The following ZNF106 variants were observed in gnomAD, a reference collection of about 807,000 sequenced individuals.
ZNF106 encodes zinc finger protein 106.
ZNF106 carries 67 observed loss-of-function variants against 195.1 expected under a neutral mutation model. The ratio of observed to expected loss-of-function variants is 0.34; its 90% CI spans 0.28 to 0.42. ZNF106 has a LOEUF of 0.42. Among genes scored for constraint, ZNF106 ranks in the 10% least tolerant of loss-of-function variants. The pLI is 1.00. For missense variants in ZNF106, 2,118 were observed against 2,304.5 expected, an observed-to-expected ratio of 0.92 and a Z score of 1.66; for synonymous variants, 784 against 818.6, an observed-to-expected ratio of 0.96 and a Z score of 0.72.
chr15:42,451,621 C>A lies in ZNF106; in HGVS notation c.651G>T (p.Trp217Cys). 6.2e-7 allele frequency: 1 copy of A among 1,614,168 alleles called. No homozygotes were observed. The highest frequency in any genetic ancestry group is 8.5e-7 in the Non-Finnish European group (1 of 1,180,030). Residue 217 changes from tryptophan to cysteine, a missense_variant, in exon 5 of 22, where the codon TGG becomes TGT. Coordinates refer to ENST00000564754, the MANE Select transcript of ZNF106 (RefSeq NM_001366845.3). The part of the protein sequence containing the change: ...GWLSNSGAVD[W>C]NHNGTGRNSS... ...AATTCCTTCCTGTACCATTATGATT[C>A]CAATCTACTGCTCCACTATTTGAAA...
rs118150785 is a variant in ZNF106, at chr15:42,476,579, G to A, written c.-32-4258C>T. The stretch of plus-strand genomic sequence containing the variant: ...GCCTCCCAAAGTGCTGGGATTACAG[G>A]TGTGAGCCACCATGCCCAGCTTCAT... On this transcript the variant is annotated intron_variant, in intron 1 of 21. Transcript: ENST00000564754. 6.9e-3 allele frequency among the ~76,000 whole-genome samples: 1,045 copies of A among 152,308 alleles called. 13 individuals carry two copies. The highest frequency in any genetic ancestry group is 0.013 in the Non-Finnish European group (879 of 68,030).
At chr15:42,462,489 T>C (rs1293898497) in intron 3 of ZNF106, among the ~76,000 whole-genome samples, 2 of 152,022 alleles carry the variant, frequency 1.3e-5, no homozygotes, top group Non-Finnish European at 2.9e-5. Context: ...TCCCAGCTAC[T>C]TGGGAGGCTC....
chr15:42,423,727 C>G (rs1317597838), intron 17 of ZNF106, among the ~76,000 whole-genome samples: 1 of 152,158 alleles, frequency 6.6e-6, no homozygotes, highest in South Asian at 2.1e-4. Context: ...TATCCACTTT[C>G]TGGAAGCCTC....
At position 42,438,675 on chromosome 15, in the gene ZNF106, A is replaced by G; in HGVS notation, c.4545-8T>C. Reference sequence around the variant, plus strand: ...GTCTGAGTTTCTGCCACACTACAAAATAATAGCAAAAGTGTTCTCAGCATC... The same window carrying G: ...GTCTGAGTTTCTGCCACACTACAAAGTAATAGCAAAAGTGTTCTCAGCATC... On this transcript the variant is annotated splice_polypyrimidine_tract_variant and splice_region_variant and intron_variant, in intron 11 of 21. Transcript: ENST00000564754. 6.2e-7 allele frequency: 1 copy of G among 1,613,274 alleles called. No individual in the cohort carries two copies. Among genetic ancestry groups the G allele is most frequent in the Non-Finnish European group, 8.5e-7 (1 of 1,179,446 alleles).
Position 42,450,116 on chromosome 15 carries a change from C to G in ZNF106, c.2156G>C (p.Ser719Thr). Residue 719 changes from serine (S) to threonine (T), a missense_variant, in exon 5 of 22, where the codon AGT becomes ACT. Coordinates refer to ENST00000564754, the MANE Select transcript of ZNF106 (RefSeq NM_001366845.3). ...HVSYETEGFESASLDAELQKS... is the reference protein window; with the variant it reads ...HVSYETEGFETASLDAELQKS... ...TTGAAGCTCTGCATCCAAGCTAGCA[C>G]TCTCAAAGCCTTCTGTTTCATAAGA... 4 of 1,614,198 alleles carry G rather than the reference C, an allele frequency of 2.5e-6. No homozygotes were observed. The highest frequency in any genetic ancestry group is 2.5e-6 in the Non-Finnish European group (3 of 1,180,042).
In ZNF106 at chr15:42,413,048, T is replaced by A. The variant is rs549900204; in HGVS notation, c.*4256A>T. On this transcript the variant is annotated 3_prime_UTR_variant, in exon 22 of 22. Coordinates refer to ENST00000564754, the MANE Select transcript of ZNF106 (RefSeq NM_001366845.3). ...CTCTAGGGCATATATTTCTCTTAAA[T>A]AGGAGAAAGATTTTCAACAGCTTTT... is the stretch of plus-strand genomic sequence containing the variant. 15 of 152,314 alleles carry A rather than the reference T, an allele frequency of 9.8e-5. No homozygotes were observed. The highest frequency in any genetic ancestry group is 3.4e-3 in the Middle Eastern group (1 of 294). The allele number at this position is 152,314 out of a possible 1,614,324, so 9.4% of individuals were successfully genotyped here. A position where few individuals can be genotyped will look rare whatever the true frequency, so the allele number is the denominator to read the frequency against.
Position 42,446,603 on chromosome 15 carries a change from A to G in ZNF106, c.3191T>C (p.Ile1064Thr), listed in dbSNP as rs1201937451. ...CTGCACCATACCTTTTTTTCCTTTA[A>G]TTTTCCTTCTTTTATTTTTTCTCTC... is the stretch of plus-strand genomic sequence containing the variant. ...SLERKNKRRK[I>T]KGKKERSQVD... Residue 1064 changes from isoleucine to threonine, a missense_variant, in exon 7 of 22, where the codon ATT becomes ACT. Coordinates refer to ENST00000564754, the MANE Select transcript of ZNF106 (RefSeq NM_001366845.3). 9.4e-6 allele frequency: 15 copies of G among 1,598,344 alleles called. No individual in the cohort carries two copies. The highest frequency in any genetic ancestry group is 1.3e-5 in the Non-Finnish European group (15 of 1,170,376).
chr15:42,490,280 A>T (rs2057119947), intron 1 of ZNF106: 1 of 152,040 alleles, frequency 6.6e-6, no homozygotes, highest in African/African-American at 2.4e-5. Context: ...GATATAAACC[A>T]TTATGGTGGA....
intron 3 of ZNF106, among the ~76,000 whole-genome samples, chr15:42,458,673 A>C (rs891470560): frequency 6.6e-6 from 1 of 150,912 alleles, no homozygotes; most frequent in Admixed American, 6.6e-5. Flanking sequence ...ACACCACTGC[A>C]CTCCAGCCTG....
chr15:42,453,635 G>T lies in ZNF106; in HGVS notation c.318-1681C>A, dbSNP rs569970355. Among the ~76,000 whole-genome samples, 14 of 147,556 alleles carry T rather than the reference G, an allele frequency of 9.5e-5. 1 individual carries two copies. In the East Asian group the frequency reaches 2.8e-3, roughly 29 times the overall value. On this transcript the variant is annotated intron_variant, in intron 4 of 21. Transcript: ENST00000564754. ...TTTGGAGATGGAGTCTCGCTTTGTC[G>T]CCCAGGCTGGAGTGCAATGGCACGA...
chr15:42,466,133 T>A lies in ZNF106; in HGVS notation c.55-19A>T, dbSNP rs1429656219. 11 of 1,523,142 alleles carry A rather than the reference T, an allele frequency of 7.2e-6. No homozygotes were observed. The highest frequency in any genetic ancestry group is 9.6e-6 in the Non-Finnish European group (11 of 1,141,320). 94.4% of individuals were successfully genotyped at this position (1,523,142 alleles called of 1,614,324 possible). On this transcript the variant is annotated intron_variant, in intron 2 of 21. Coordinates refer to ENST00000564754, the MANE Select transcript of ZNF106 (RefSeq NM_001366845.3). ...CCATCTCCTTCAAAATAAAAGAAAGTAGATTAAAACTAAGCAGGATTGCTT... is the reference window on the plus strand; with the variant it reads ...CCATCTCCTTCAAAATAAAAGAAAGAAGATTAAAACTAAGCAGGATTGCTT...
intron 1 of ZNF106, among the ~76,000 whole-genome samples, chr15:42,484,969 G>A (rs1204941539): frequency 1.3e-5 from 2 of 152,096 alleles, no homozygotes; most frequent in African/African-American, 4.8e-5. Flanking sequence ...GACCAGTCTG[G>A]CCAACATGGC....
At chr15:42,421,222 G>GAAA in intron 19 of ZNF106, 90 bp from the exon 20 acceptor site, 1 of 1,211,476 alleles carries the variant, frequency 8.3e-7, no homozygotes, top group Middle Eastern at 2.1e-4. Context: ...CCTTGCAGCA[G>GAAA]CTACAAGAAA....
intron 10 of ZNF106, 140 bp from the exon 11 acceptor site, chr15:42,439,953 C>T: frequency 2.4e-6 from 2 of 836,350 alleles, no homozygotes; most frequent in Non-Finnish European, 1.8e-6. Context: ...CCTCAGTTTC[C>T]CATCACCTAC....
intron 3 of ZNF106, among the ~76,000 whole-genome samples, chr15:42,458,113 C>CTA (rs2056290394): frequency 6.6e-6 from 1 of 152,044 alleles, no homozygotes; most frequent in Admixed American, 6.6e-5. Context: ...CAGCAGTATC[C>CTA]ATTCAACAAT....
intron 1 of ZNF106, among the ~76,000 whole-genome samples, chr15:42,479,537 G>A (rs938909617): frequency 6.6e-6 from 1 of 151,696 alleles, no homozygotes. Flanking sequence ...TTATATTGAT[G>A]TTTTTTTTAA....
At position 42,419,475 on chromosome 15, in the gene ZNF106, G is replaced by A. The variant is rs565376291; in HGVS notation, c.5518-1524C>T. Among the ~76,000 whole-genome samples, 6 of 152,138 alleles carry A rather than the reference G, an allele frequency of 3.9e-5. No individual in the cohort carries two copies. In the South Asian group the frequency reaches 1.2e-3, roughly 32 times the overall value. ...GGTGATTGCTGGAGCCTGGGAGGCTGAAGCTGCAGTGACTGTTGTGACCAC... is the reference window on the plus strand; with the variant it reads ...GGTGATTGCTGGAGCCTGGGAGGCTAAAGCTGCAGTGACTGTTGTGACCAC... On this transcript the variant is annotated intron_variant, in intron 20 of 21. Coordinates refer to ENST00000564754, the MANE Select transcript of ZNF106 (RefSeq NM_001366845.3).
Position 42,451,858 on chromosome 15 carries a change from C to T in ZNF106, c.414G>A (p.Glu138=). Residue 138 remains glutamate, a synonymous_variant, in exon 5 of 22, where the codon GAG becomes GAA. Transcript: ENST00000564754. ...GATGCCATGCAGGCTGACTGTAACT[C>T]TCTCTGTCTTGGTAAGGAATTCGGT... ...REDRIPYQDR[E]SYSQPAWHHR... is the part of the protein sequence containing the mutation. The T allele has an allele frequency of 1.2e-6, 2 of 1,614,222 alleles. No homozygotes were observed. The highest frequency in any genetic ancestry group is 8.5e-7 in the Non-Finnish European group (1 of 1,180,038).
At chr15:42,484,042 T>C (rs2141458348) in intron 1 of ZNF106, among the ~76,000 whole-genome samples, 1 of 152,290 alleles carries the variant, frequency 6.6e-6, no homozygotes, top group African/African-American at 2.4e-5. Flanking sequence ...CTCAATCACA[T>C]CAGACCCAAC....
Sources: allele counts gnomAD v4.1 joint callset (sites outside exome capture counted in the v4.1 genomes callset), GRCh38; gene constraint gnomAD v4.1.1; transcripts MANE v1.5; gene names NCBI Gene and HGNC (gene_info 2026-07-23, HGNC 2026-07-21).